Variants in VSTM2B observed in about 807,000 individuals in gnomAD.
VSTM2B encodes V-set and transmembrane domain containing 2B.
In VSTM2B, 24 loss-of-function variants were observed where a neutral mutation model predicts 24.0. That is an observed-to-expected ratio of 1.00 (90% CI 0.72 to 1.40). VSTM2B has a LOEUF of 1.40. VSTM2B is among the 40% of genes most tolerant of loss of function. The probability of loss-of-function intolerance (pLI) is 0.00; values close to 1 mark genes in which losing one functional copy is unlikely to be tolerated. For missense variants in VSTM2B, 399 were observed against 416.4 expected (o/e 0.96, Z 0.36); for synonymous variants, 226 against 194.4 (o/e 1.16, Z -1.35).
At chr19:29,538,956 A>G (rs1969961189) in intron 4 of VSTM2B, among the ~76,000 whole-genome samples, 2 of 152,224 alleles carry the variant, frequency 1.3e-5, no homozygotes, top group African/African-American at 4.8e-5. Flanking sequence ...AAACCATCTC[A>G]GTGATGGGGC....
chr19:29,556,768 A>G (rs1025435564), intron 4 of VSTM2B, among the ~76,000 whole-genome samples: 3 of 152,214 alleles, frequency 2.0e-5, no homozygotes, highest in African/African-American at 7.2e-5. Flanking sequence ...ATCACAAATG[A>G]ACTCCCATTC....
At chr19:29,530,367 T>C in intron 4 of VSTM2B, 77 bp downstream of exon 4, 22 of 1,323,732 alleles carry the variant, frequency 1.7e-5, no homozygotes, top group Non-Finnish European at 2.2e-5. Context: ...CCCGGGGGGC[T>C]CCGGACCCAG....
chr19:29,525,649 C>T (rs893716011), upstream of VSTM2B: 1 of 152,472 alleles, frequency 6.6e-6, no homozygotes, highest in Admixed American at 6.5e-5. Flanking sequence ...GCTGGTTGCC[C>T]AAACTGGGGT....
At chr19:29,529,377 G>T (rs531465618) in intron 3 of VSTM2B, among the ~76,000 whole-genome samples, 33 of 152,236 alleles carry the variant, frequency 2.2e-4, no homozygotes, top group Non-Finnish European at 3.7e-4. Flanking sequence ...GAGGAGGGCC[G>T]GCTGGGGCGG....
rs116483560 is a variant in VSTM2B at position 29,549,558 on chromosome 19, G to C, written c.770-14288G>C. On this transcript the variant is annotated intron_variant, in intron 4 of 4. Transcript: ENST00000335523. Reference sequence around the variant, plus strand: ...TGCTGGCCCCAAGGCTGCTCTAGGAGACCCCAGACACTGGCCCCAATGCTG... The same window carrying C: ...TGCTGGCCCCAAGGCTGCTCTAGGACACCCCAGACACTGGCCCCAATGCTG... 9.1e-3 allele frequency among the ~76,000 whole-genome samples: 1,372 copies of C among 151,116 alleles called. 21 individuals are homozygous for C. Among genetic ancestry groups the C allele is most frequent in the African/African-American group, 0.032 (1,307 of 41,164 alleles).
rs187309649 is a variant in VSTM2B at position 29,557,564 on chromosome 19, T to C, written c.770-6282T>C. The stretch of plus-strand genomic sequence containing the variant: ...AATACAAAAAATTAGCTGAGCGTGG[T>C]GGTGGATGCCTGTAATCCCAGCTAC... On this transcript the variant is annotated intron_variant, in intron 4 of 4. Coordinates refer to ENST00000335523, the MANE Select transcript of VSTM2B (RefSeq NM_001146339.2). Among the ~76,000 whole-genome samples the C allele has an allele frequency of 3.7e-3, 566 of 151,972 alleles. 4 individuals carry two copies. The highest frequency in any genetic ancestry group is 0.02 in the Middle Eastern group (6 of 294).
At position 29,530,382 on chromosome 19, in the gene VSTM2B, C is replaced by A; in HGVS notation, c.769+92C>A. 7 of 1,212,296 alleles carry A rather than the reference C, an allele frequency of 5.8e-6. No homozygotes were observed. The South Asian group carries it at 8.8e-5, about 15-fold the overall frequency. 75.1% of individuals were successfully genotyped at this position (1,212,296 alleles called of 1,614,324 possible). ...CCCGGGGGGCTCCGGACCCAGGACC[C>A]GCCCCCTGGGCGCATTTGCATATGC... On this transcript the variant is annotated intron_variant, in intron 4 of 4. Coordinates refer to ENST00000335523, the MANE Select transcript of VSTM2B (RefSeq NM_001146339.2).
At chr19:29,557,185 C>T (rs541561382) in intron 4 of VSTM2B, among the ~76,000 whole-genome samples, 1 of 152,180 alleles carries the variant, frequency 6.6e-6, no homozygotes, top group South Asian at 2.1e-4. Flanking sequence ...GATACAAAAA[C>T]AGCCACATAG....
At position 29,553,708 on chromosome 19, in the gene VSTM2B, C is replaced by T. The variant is rs996047730; in HGVS notation, c.770-10138C>T. Among the ~76,000 whole-genome samples the T allele has an allele frequency of 1.1e-4, 16 of 152,112 alleles. No individual in the cohort carries two copies. The East Asian group carries it at 3.1e-3, about 29-fold the overall frequency. ...TTACAGGAGCTGTTAACCAGAATAA[C>T]CAGTTTAGAGAGGAACCGAAATGAC... On this transcript the variant is annotated intron_variant, in intron 4 of 4. Transcript: ENST00000335523.
chr19:29,526,814 GGCGAGCGGCGAAGGGTCGCCGCA>G lies in VSTM2B; in HGVS notation c.82+152_82+174del. ...GCCTGGGCCCGGAGGGGTAGGGAGA[GGCGAGCGGCGAAGGGTCGCCGCA>G]GCAGCAGCGCCGCGCCCGAGTCGTT... is the stretch of plus-strand genomic sequence containing the variant. On this transcript the variant is annotated intron_variant, in intron 1 of 4. Coordinates refer to ENST00000335523, the MANE Select transcript of VSTM2B (RefSeq NM_001146339.2). The surrounding 1 kb of genome is among the most constrained non-coding windows in gnomAD (Gnocchi z 4.1). 1 of 691,412 alleles carries G rather than the reference GGCGAGCGGCGAAGGGTCGCCGCA, an allele frequency of 1.4e-6. No homozygotes were observed. Among genetic ancestry groups the G allele is most frequent in the Non-Finnish European group, 2.2e-6 (1 of 450,842 alleles). 42.8% of individuals were successfully genotyped at this position (691,412 alleles called of 1,614,324 possible). A position where few individuals can be genotyped will look rare whatever the true frequency, so the allele number is the denominator to read the frequency against.
chr19:29,539,866 T>C (rs1969984063), intron 4 of VSTM2B, among the ~76,000 whole-genome samples: 1 of 152,138 alleles, frequency 6.6e-6, no homozygotes, highest in Non-Finnish European at 1.5e-5. Flanking sequence ...CTCACGCCCA[T>C]GTGAGCCTGC....
At chr19:29,530,596 G>T (rs548954583) in intron 4 of VSTM2B, among the ~76,000 whole-genome samples, 1 of 152,262 alleles carries the variant, frequency 6.6e-6, no homozygotes, top group African/African-American at 2.4e-5. Flanking sequence ...TTTGGGTTTG[G>T]AGAACTGGAC....
Position 29,528,433 on chromosome 19 carries a change from G to GT in VSTM2B, c.269dup (p.Thr91AsnfsTer3). 2 of 1,551,198 alleles carry GT rather than the reference G, an allele frequency of 1.3e-6. No homozygotes were observed. Among genetic ancestry groups the GT allele is most frequent in the Non-Finnish European group, 1.7e-6 (2 of 1,146,978 alleles). On this transcript the variant is annotated frameshift_variant and splice_region_variant, in exon 3 of 5. Transcript: ENST00000335523. LOFTEE classifies it high-confidence loss of function. ...CTCTCTCTCCCTCTTTGCATTTTAG[G>GT]TAACAAATAAGGATGCAACTAAAAT... is the stretch of plus-strand genomic sequence containing the variant.
At chr19:29,549,874 C>A (rs1345247245) in intron 4 of VSTM2B, among the ~76,000 whole-genome samples, 1 of 152,178 alleles carries the variant, frequency 6.6e-6, no homozygotes, top group Non-Finnish European at 1.5e-5. Flanking sequence ...CCTGAGCGGG[C>A]CCCAGGGCAG....
chr19:29,543,765 T>C (rs868546409), intron 4 of VSTM2B, among the ~76,000 whole-genome samples: 1 of 152,282 alleles, frequency 6.6e-6, no homozygotes, highest in Middle Eastern at 3.4e-3. Context: ...CAACTGGGGT[T>C]TAAATAGGGC....
At chr19:29,540,302 C>T (rs71363983) in intron 4 of VSTM2B, among the ~76,000 whole-genome samples, 8,871 of 152,258 alleles carry the variant, frequency 0.058, 315 homozygotes, top group Middle Eastern at 0.11. Flanking sequence ...GTTATGGTGG[C>T]CATGCAGGAG....
chr19:29,557,519 G>GA (rs200402630), intron 4 of VSTM2B, among the ~76,000 whole-genome samples: 1,711 of 152,258 alleles, frequency 0.011, 22 homozygotes, highest in African/African-American at 0.038. Context: ...CCAACATGGT[G>GA]AAACCCCATC....
chr19:29,561,280 C>T (rs1599912439), intron 4 of VSTM2B, among the ~76,000 whole-genome samples: 2 of 151,594 alleles, frequency 1.3e-5, no homozygotes, highest in Non-Finnish European at 2.9e-5. Flanking sequence ...CCACTGCGCT[C>T]CAACCTGGGT....
chr19:29,529,110 G>A (rs1969661638), intron 3 of VSTM2B: 10 of 985,480 alleles, frequency 1.0e-5, no homozygotes, highest in Non-Finnish European at 1.2e-5. Flanking sequence ...AGGGCTCCCT[G>A]GGTGTTTGTT....
Sources: allele counts gnomAD v4.1 joint callset (sites outside exome capture counted in the v4.1 genomes callset), GRCh38; gene constraint gnomAD v4.1.1; non-coding constraint Gnocchi (gnomAD v3.1); transcripts MANE v1.5; gene names NCBI Gene and HGNC (gene_info 2026-07-23, HGNC 2026-07-21).